Variants in ZFHX3 observed in about 807,000 individuals in gnomAD.
ZFHX3 encodes the protein zinc finger homeobox 3, also known as zinc finger homeobox protein 3.
A neutral mutation model predicts 279.1 loss-of-function variants in ZFHX3; 42 were observed. That is an observed-to-expected ratio of 0.15 (90% CI 0.12 to 0.19). The LOEUF (loss-of-function observed/expected upper bound fraction) is 0.19. Ranked by LOEUF, ZFHX3 falls within the 10% of genes least tolerant of loss-of-function variation. The probability of loss-of-function intolerance (pLI) is 1.00; values close to 1 mark genes in which losing one functional copy is unlikely to be tolerated. For missense variants in ZFHX3, 4,981 were observed against 4,754.0 expected (o/e 1.05, Z -1.40); for synonymous variants, 2,293 against 1,957.8 (o/e 1.17, Z -4.52).
intron 2 of ZFHX3, among the ~76,000 whole-genome samples, chr16:73,563,357 C>T (rs979001306): frequency 2.6e-5 from 4 of 151,672 alleles, no homozygotes; most frequent in African/African-American, 9.7e-5. Context: ...CCTGCCTCCA[C>T]GCCATTCTCC....
At chr16:72,882,539 AAC>A (rs1248968788) in intron 4 of ZFHX3, among the ~76,000 whole-genome samples, 1 of 152,168 alleles carries the variant, frequency 6.6e-6, no homozygotes, top group Admixed American at 6.5e-5. Context: ...CAAGTCCTGG[AAC>A]AGCCAGCCAG....
Position 73,509,628 on chromosome 16 carries a change from G to A in ZFHX3, c.-1546-53370C>T, listed in dbSNP as rs183725515. Among the ~76,000 whole-genome samples, 247 of 139,408 alleles carry A rather than the reference G, an allele frequency of 1.8e-3. 4 individuals are homozygous for A. The highest frequency in any genetic ancestry group is 6.6e-3 in the African/African-American group (236 of 35,876). The allele number at this position is 139,408 out of a possible 152,430, so 91.5% of individuals were successfully genotyped here. A position where few individuals can be genotyped will look rare whatever the true frequency, so the allele number is the denominator to read the frequency against. ...CAACCTCCACCCCCTGGGTTCAAGC[G>A]ATTCTCCTGCCTCAGCCTCCTGAGT... is the stretch of plus-strand genomic sequence containing the variant. On this transcript the variant is annotated intron_variant, in intron 2 of 17. Coordinates refer to the ZFHX3 transcript ENST00000641206.
At chr16:73,288,505 C>A (rs1013359580) in intron 4 of ZFHX3, among the ~76,000 whole-genome samples, 1 of 152,162 alleles carries the variant, frequency 6.6e-6, no homozygotes, top group Non-Finnish European at 1.5e-5. Context: ...AAAATGAGAA[C>A]CAGCTTGGAA....
chr16:73,725,005 G>A (rs1402282029), intron 1 of ZFHX3, among the ~76,000 whole-genome samples: 3 of 152,110 alleles, frequency 2.0e-5, no homozygotes, highest in Non-Finnish European at 4.4e-5. Context: ...AGTCTGTAAT[G>A]GGATTAGAGC....
chr16:73,463,609 C>G (rs189047464), intron 2 of ZFHX3, among the ~76,000 whole-genome samples: 3 of 152,316 alleles, frequency 2.0e-5, no homozygotes, highest in Admixed American at 1.3e-4. Flanking sequence ...GATGTTTCCT[C>G]TGGACTTTTT....
intron 1 of ZFHX3, among the ~76,000 whole-genome samples, chr16:73,748,008 C>A (rs2053719779): frequency 6.6e-6 from 1 of 152,082 alleles, no homozygotes; most frequent in Non-Finnish European, 1.5e-5. Context: ...AGATTTCTGC[C>A]CTTTGTTTAC....
At chr16:73,337,892 C>CG (rs71156156) in intron 3 of ZFHX3, among the ~76,000 whole-genome samples, 24,997 of 78,968 alleles carry the variant, frequency 0.32, 5,781 homozygotes, top group Middle Eastern at 0.55. Flanking sequence ...CTTCCCTTGG[C>CG]GGGGGGGGGG....
intron 3 of ZFHX3, among the ~76,000 whole-genome samples, chr16:73,454,932 C>A (rs1028096328): frequency 3.3e-5 from 5 of 150,958 alleles, no homozygotes; most frequent in Non-Finnish European, 7.4e-5. Flanking sequence ...CAATAGAAAA[C>A]TAACCTGGGC....
intron 3 of ZFHX3, among the ~76,000 whole-genome samples, chr16:73,407,506 T>A (rs1214752514): frequency 6.6e-6 from 1 of 152,060 alleles, no homozygotes; most frequent in African/African-American, 2.4e-5. Flanking sequence ...CATTCCATGG[T>A]TGGAGAAATG....
intron 4 of ZFHX3, among the ~76,000 whole-genome samples, chr16:73,282,455 T>C (rs1403286033): frequency 3.3e-5 from 5 of 152,254 alleles, no homozygotes; most frequent in Non-Finnish European, 7.3e-5. Context: ...TTGGCTATTC[T>C]ATCTTTGATG....
chr16:73,611,742 T>A (rs963631815), intron 2 of ZFHX3, among the ~76,000 whole-genome samples: 1 of 152,260 alleles, frequency 6.6e-6, no homozygotes, highest in Non-Finnish European at 1.5e-5. Context: ...TAATCTTTTT[T>A]TGTTCTTTAA....
chr16:73,483,928 TTG>T (rs535576407), intron 2 of ZFHX3, among the ~76,000 whole-genome samples: 24 of 85,934 alleles, frequency 2.8e-4, no homozygotes, highest in African/African-American at 8.5e-4. Context: ...CCCTCTGCCT[TTG>T]TTTTTTTTTT....
upstream of ZFHX3, among the ~76,000 whole-genome samples, chr16:73,051,438 T>A (rs1965448160): frequency 6.6e-6 from 1 of 152,200 alleles, no homozygotes; most frequent in South Asian, 2.1e-4. Context: ...ACAGCTCACA[T>A]TTGCCTTCAT....
chr16:73,208,191 T>A (rs2011877240), intron 5 of ZFHX3, among the ~76,000 whole-genome samples: 1 of 152,198 alleles, frequency 6.6e-6, no homozygotes, highest in Non-Finnish European at 1.5e-5. Context: ...CATTATTTGT[T>A]TTTGAAAAAG....
intron 3 of ZFHX3, among the ~76,000 whole-genome samples, chr16:72,933,039 C>T (rs184228163): frequency 2.5e-4 from 38 of 152,262 alleles, no homozygotes; most frequent in South Asian, 6.2e-4. Context: ...TCCTTTAAGA[C>T]GCATGGACAT....
intron 5 of ZFHX3, among the ~76,000 whole-genome samples, chr16:73,146,539 GAATGGGAGAACGGC>G (rs1189866138): frequency 7.2e-5 from 11 of 152,168 alleles, no homozygotes; most frequent in African/African-American, 2.2e-4. Flanking sequence ...TAGAAAGCAT[GAATGGGAGAACGGC>G]TTGTTGAAAT....
intron 1 of ZFHX3, among the ~76,000 whole-genome samples, chr16:73,703,375 C>A (rs910678416): frequency 6.6e-6 from 1 of 151,706 alleles, no homozygotes; most frequent in African/African-American, 2.4e-5. Flanking sequence ...AATAACAACC[C>A]ACCTAAAGAA....
At chr16:73,866,224 G>C (rs1471494357) in intron 1 of ZFHX3, among the ~76,000 whole-genome samples, 2 of 118,424 alleles carry the variant, frequency 1.7e-5, no homozygotes, top group Non-Finnish European at 3.2e-5. Context: ...CTGTCACCCT[G>C]TCTAGAGTGC....
In ZFHX3 at chr16:73,576,651, C is replaced by T. The variant is rs1358161211; in HGVS notation, c.-1547+103529G>A. ...AACATGTATGTCCCAAAGCAGAGAG[C>T]TGTTCTGTGTAATCCTCCCTAGAAC... is the stretch of plus-strand genomic sequence containing the variant. On this transcript the variant is annotated intron_variant, in intron 2 of 17. Coordinates refer to the ZFHX3 transcript ENST00000641206. Among the ~76,000 whole-genome samples, 3 of 152,022 alleles carry T rather than the reference C, an allele frequency of 2.0e-5. No individual in the cohort carries two copies. The East Asian group carries it at 5.8e-4, about 29-fold the overall frequency.
Sources: allele counts gnomAD v4.1 joint callset (sites outside exome capture counted in the v4.1 genomes callset), GRCh38; gene constraint gnomAD v4.1.1; transcripts MANE v1.5; gene names NCBI Gene and HGNC (gene_info 2026-07-23, HGNC 2026-07-21).